MBP: variants seen among roughly 807,000 people sequenced by gnomAD.
The protein encoded by MBP is Golli-MBP.
A neutral mutation model predicts 35.8 loss-of-function variants in MBP; 16 were observed. That is an observed-to-expected ratio of 0.45 (90% confidence interval 0.30 to 0.68). The LOEUF is 0.68. MBP is among the 30% of genes least tolerant of loss of function. MBP has a pLI of 0.08. For missense variants in MBP, 380 were observed against 404.7 expected (o/e 0.94, Z 0.52); for synonymous variants, 143 against 159.6 (o/e 0.90, Z 0.78).
At position 77,094,444 on chromosome 18, in the gene MBP, C is replaced by T. The variant is rs537195029; in HGVS notation, c.51+10767G>A. 1.6e-4 allele frequency among the ~76,000 whole-genome samples: 25 copies of T among 152,328 alleles called. 1 individual carries two copies. Among genetic ancestry groups the T allele is most frequent in the African/African-American group, 4.8e-4 (20 of 41,570 alleles). ...TCCGTTGCTCATAAGTGCCGGTTCC[C>T]GGACTCTGCAGGAGGCACACCTTAA... On this transcript the variant is annotated intron_variant, in intron 2 of 8. Coordinates refer to ENST00000355994, the MANE Select transcript of MBP (RefSeq NM_001025101.2).
At chr18:77,086,313 G>A (rs1028505258) in intron 2 of MBP, among the ~76,000 whole-genome samples, 10 of 152,178 alleles carry the variant, frequency 6.6e-5, no homozygotes, top group African/African-American at 2.4e-4. Context: ...GTGTTCCAAA[G>A]AGTTCATGCA....
At position 76,979,984 on chromosome 18, in the gene MBP, G is replaced by A. The variant is rs558508660; in HGVS notation, c.*443C>T. On this transcript the variant is annotated 3_prime_UTR_variant, in exon 9 of 9. Coordinates refer to ENST00000355994, the MANE Select transcript of MBP (RefSeq NM_001025101.2). ...AGGAAAAAAAAACAAAGGAAGCTTGGATGTCAACAGTCCTCTCTGCCGCCC... is the reference window on the plus strand; with the variant it reads ...AGGAAAAAAAAACAAAGGAAGCTTGAATGTCAACAGTCCTCTCTGCCGCCC... 1,146 of 702,620 alleles carry A rather than the reference G, an allele frequency of 1.6e-3. No homozygotes were observed. Among genetic ancestry groups the A allele is most frequent in the Non-Finnish European group, 2.4e-3 (934 of 385,014 alleles). The allele number at this position is 702,620 out of a possible 1,614,324, so 43.5% of individuals were successfully genotyped here. A position where few individuals can be genotyped will look rare whatever the true frequency, so the allele number is the denominator to read the frequency against.
intron 2 of MBP, among the ~76,000 whole-genome samples, chr18:77,089,472 C>T (rs1975414798): frequency 6.6e-6 from 1 of 152,218 alleles, no homozygotes. Flanking sequence ...AGGGACACAG[C>T]CTCAAGGCAC....
intron 2 of MBP, among the ~76,000 whole-genome samples, chr18:77,091,859 G>A (rs534139415): frequency 6.6e-6 from 1 of 152,052 alleles, no homozygotes; most frequent in African/African-American, 2.4e-5. Flanking sequence ...ATACATACAT[G>A]TACACACGTG....
At chr18:77,117,382 A>G (rs1037710835) in intron 1 of MBP, among the ~76,000 whole-genome samples, 2 of 152,298 alleles carry the variant, frequency 1.3e-5, no homozygotes, top group East Asian at 1.9e-4. Context: ...AAATTTCTAC[A>G]TGATATTTTT....
chr18:77,118,612 C>CCACACACACACA (rs71174609), intron 1 of MBP, among the ~76,000 whole-genome samples: 2 of 134,200 alleles, frequency 1.5e-5, no homozygotes, highest in Non-Finnish European at 3.2e-5. Context: ...TCCACAGACA[C>CCACACACACACA]CACACACACA....
chr18:77,010,839 G>T (rs980830445), intron 4 of MBP, among the ~76,000 whole-genome samples: 1 of 152,232 alleles, frequency 6.6e-6, no homozygotes, highest in Non-Finnish European at 1.5e-5. Context: ...ACCAAGGTAA[G>T]TGCCCTGCAA....
chr18:77,073,089 G>T (rs1974516151), intron 2 of MBP, among the ~76,000 whole-genome samples: 1 of 152,160 alleles, frequency 6.6e-6, no homozygotes, highest in East Asian at 1.9e-4. Flanking sequence ...CAAATACTTT[G>T]TCAGGATCCA....
intron 1 of MBP, among the ~76,000 whole-genome samples, chr18:77,122,913 C>A (rs1043293361): frequency 6.6e-6 from 1 of 152,200 alleles, no homozygotes; most frequent in Non-Finnish European, 1.5e-5. Context: ...ACTCCTCTAC[C>A]GAGCACAACC....
At chr18:76,985,673 C>T (rs1429287161) in intron 7 of MBP, 1 of 1,052,750 alleles carries the variant, frequency 9.5e-7, no homozygotes, top group Non-Finnish European at 1.1e-6. Flanking sequence ...TCAGCTCCCC[C>T]ACCTCCCAGT....
intron 4 of MBP, among the ~76,000 whole-genome samples, chr18:76,992,992 C>T (rs752152797): frequency 6.6e-6 from 1 of 152,194 alleles, no homozygotes; most frequent in Non-Finnish European, 1.5e-5. Context: ...TCCGCAGGGC[C>T]CAGGGCAAAG....
chr18:77,087,823 A>G (rs1412615198), intron 2 of MBP, among the ~76,000 whole-genome samples: 1 of 151,602 alleles, frequency 6.6e-6, no homozygotes, highest in Non-Finnish European at 1.5e-5. Flanking sequence ...AGCTGGGAGC[A>G]CCCCACGCAC....
chr18:77,014,503 G>A lies in MBP; in HGVS notation c.576+2329C>T, dbSNP rs1323075863. The A allele has an allele frequency of 2.2e-5, 22 of 985,266 alleles. No homozygotes were observed. In the South Asian group the frequency reaches 5.2e-4, roughly 23 times the overall value. 61.0% of individuals were successfully genotyped at this position (985,266 alleles called of 1,614,324 possible). A position where few individuals can be genotyped will look rare whatever the true frequency, so the allele number is the denominator to read the frequency against. On this transcript the variant is annotated intron_variant, in intron 4 of 8. Transcript: ENST00000355994. ...CCACTGCTCGTTTGCACACCTCTTC[G>A]GCCTATCCCAAGGACCTTCCTAGCA... is the stretch of plus-strand genomic sequence containing the variant.
chr18:77,124,570 G>A (rs1976988743), intron 1 of MBP, among the ~76,000 whole-genome samples: 2 of 152,184 alleles, frequency 1.3e-5, no homozygotes, highest in Non-Finnish European at 2.9e-5. Context: ...GCACTGGCCT[G>A]GGTGCCTGTC....
chr18:77,028,950 G>C (rs1440229465), intron 3 of MBP, among the ~76,000 whole-genome samples: 9 of 86,134 alleles, frequency 1.0e-4, no homozygotes, highest in East Asian at 4.6e-4. Context: ...CAGGCAGAGG[G>C]GCTCCATCCC....
intron 4 of MBP, among the ~76,000 whole-genome samples, chr18:77,010,334 G>A (rs1971273115): frequency 6.6e-6 from 1 of 152,250 alleles, no homozygotes; most frequent in Admixed American, 6.5e-5. Context: ...CCAGTCTGGA[G>A]CAAAGTGCAC....
rs12954656 is a variant in MBP, at chr18:77,057,887, T to G, written c.139+8411A>C. On this transcript the variant is annotated intron_variant, in intron 3 of 8. Coordinates refer to ENST00000355994, the MANE Select transcript of MBP (RefSeq NM_001025101.2). ...TGTTGCCCAGGCTGGAGTGCAGTGG[T>G]GCGATCTCGGCTCACTGCAAGCTCC... Among the ~76,000 whole-genome samples the G allele has an allele frequency of 1.8e-3, 41 of 22,532 alleles. 9 individuals carry two copies. Among genetic ancestry groups the G allele is most frequent in the Non-Finnish European group, 2.4e-3 (34 of 14,340 alleles). The allele number at this position is 22,532 out of a possible 152,430, so 14.8% of individuals were successfully genotyped here. A position where few individuals can be genotyped will look rare whatever the true frequency, so the allele number is the denominator to read the frequency against.
In MBP at chr18:77,047,284, C is replaced by T. The variant is rs190908704; in HGVS notation, c.139+19014G>A. Reference sequence around the variant, plus strand: ...ATGAACTGACGGTGATGTGCACACACGATAGAATATCCTCCTGTCGTAAGG... The same window carrying T: ...ATGAACTGACGGTGATGTGCACACATGATAGAATATCCTCCTGTCGTAAGG... On this transcript the variant is annotated intron_variant, in intron 3 of 8. Coordinates refer to ENST00000355994, the MANE Select transcript of MBP (RefSeq NM_001025101.2). 6.6e-5 allele frequency among the ~76,000 whole-genome samples: 10 copies of T among 152,344 alleles called. No individual in the cohort carries two copies. In the East Asian group the frequency reaches 1.2e-3, roughly 18 times the overall value.
chr18:77,130,997 CT>C (rs1347376236), intron 1 of MBP, among the ~76,000 whole-genome samples: 1 of 144,872 alleles, frequency 6.9e-6, no homozygotes, highest in African/African-American at 2.6e-5. Flanking sequence ...TAACTGTGTT[CT>C]TTTCCCTCAG....
Sources: allele counts gnomAD v4.1 joint callset (sites outside exome capture counted in the v4.1 genomes callset), GRCh38; gene constraint gnomAD v4.1.1; transcripts MANE v1.5; gene names NCBI Gene and HGNC (gene_info 2026-07-23, HGNC 2026-07-21).